The following SLC23A1 variants were observed in gnomAD, a reference collection of about 807,000 sequenced individuals.
SLC23A1 encodes the protein Na(+)/L-ascorbic acid transporter 1.
In SLC23A1, 31 loss-of-function variants were observed where a neutral mutation model predicts 62.5. The ratio of observed to expected loss-of-function variants is 0.50; its 90% confidence interval spans 0.37 to 0.67. The LOEUF is 0.67. Ranked by LOEUF, SLC23A1 falls within the 30% of genes least tolerant of loss-of-function variation. The probability of loss-of-function intolerance (pLI) is 0.00; values close to 1 mark genes in which losing one functional copy is unlikely to be tolerated. For missense variants in SLC23A1, 640 were observed against 782.7 expected (o/e 0.82, Z 2.18); for synonymous variants, 271 against 313.2 (o/e 0.87, Z 1.42).
At chr5:139,375,221 GTCCC>G (rs1757890217) in intron 13 of SLC23A1, among the ~76,000 whole-genome samples, 1 of 152,170 alleles carries the variant, frequency 6.6e-6, no homozygotes, top group Admixed American at 6.5e-5. Flanking sequence ...CATCCCTTAT[GTCCC>G]TATACTGATG....
rs1026202256 is a variant in SLC23A1, at chr5:139,370,664, G to T, written c.*19+1323C>A. Among the ~76,000 whole-genome samples, 6 of 151,502 alleles carry T rather than the reference G, an allele frequency of 4.0e-5. No individual in the cohort carries two copies. The East Asian group carries it at 5.8e-4, about 15-fold the overall frequency. ...CTACCACCACGCCTGGCTAATTTTT[G>T]TATTTTTTTAGTAGAGATGCGGTTT... On this transcript the variant is annotated intron_variant, in intron 14 of 14. Coordinates refer to ENST00000348729, the MANE Select transcript of SLC23A1 (RefSeq NM_005847.5).
chr5:139,368,649 A>G, intron 14 of SLC23A1: 1 of 890,214 alleles, frequency 1.1e-6, no homozygotes, highest in Non-Finnish European at 1.8e-6. Context: ...TTTTTTTGGA[A>G]GATGTTTTTG....
intron 4 of SLC23A1, 78 bp downstream of exon 4, chr5:139,380,720 G>A: frequency 6.9e-7 from 1 of 1,457,706 alleles, no homozygotes; most frequent in African/African-American, 1.4e-5. Context: ...CCCTGGTGTT[G>A]ACCCGGGACA....
intron 13 of SLC23A1, among the ~76,000 whole-genome samples, chr5:139,375,962 C>T (rs866416894): frequency 1.3e-5 from 2 of 151,922 alleles, no homozygotes; most frequent in South Asian, 2.1e-4. Context: ...AGTAAGACCC[C>T]GTCTCTACAA....
chr5:139,368,892 T>A, intron 14 of SLC23A1: 1 of 945,758 alleles, frequency 1.1e-6, no homozygotes, highest in Non-Finnish European at 1.7e-6. Flanking sequence ...CTTGTCACTG[T>A]GTTACACTTA....
chr5:139,377,884 G>GC (rs1758020443), intron 12 of SLC23A1, 91 bp downstream of exon 12: 2 of 1,307,878 alleles, frequency 1.5e-6, no homozygotes, highest in Non-Finnish European at 2.1e-6. Flanking sequence ...ACGATTTGTG[G>GC]CTGTAGCTGT....
At chr5:139,375,210 C>A (rs1757889292) in intron 13 of SLC23A1, among the ~76,000 whole-genome samples, 1 of 152,186 alleles carries the variant, frequency 6.6e-6, no homozygotes, top group Non-Finnish European at 1.5e-5. Flanking sequence ...CTTGCTACTA[C>A]CATCCCTTAT....
intron 13 of SLC23A1, among the ~76,000 whole-genome samples, chr5:139,373,990 A>G (rs1757817605): frequency 6.6e-6 from 1 of 152,082 alleles, no homozygotes; most frequent in Non-Finnish European, 1.5e-5. Flanking sequence ...GTACTTCTCC[A>G]AGCCCCCTCC....
chr5:139,372,822 ATCT>A lies in SLC23A1; in HGVS notation c.1550-572_1550-570del, dbSNP rs1400942866. Among the ~76,000 whole-genome samples the A allele has an allele frequency of 9.9e-5, 15 of 152,184 alleles. No individual in the cohort carries two copies. In the East Asian group the frequency reaches 1.7e-3, roughly 18 times the overall value. On this transcript the variant is annotated intron_variant, in intron 13 of 14. Transcript: ENST00000348729. ...CTGGTCTTGAACTCCTGACCTTGTG[ATCT>A]GCCTGGCTTGGCCTCCCAAAGTGCT...
At chr5:139,369,522 T>A (rs552006369) in intron 14 of SLC23A1, 1 of 152,746 alleles carries the variant, frequency 6.5e-6, no homozygotes, top group East Asian at 1.9e-4. Flanking sequence ...GTGCTTTTCC[T>A]TGCTTTGTTA....
Position 139,379,843 on chromosome 5 carries a change from G to C in SLC23A1, c.769-9C>G. On this transcript the variant is annotated splice_polypyrimidine_tract_variant and intron_variant, in intron 7 of 14. Transcript: ENST00000348729. This position sits in a 1 kb window ranked among gnomAD's most constrained non-coding sequence, Gnocchi z 4.7. ...ATGATGGCCAGCATGATCTGAAGGA[G>C]GGGGGTGAGGGGGCACTGAAGGCAC... is the stretch of plus-strand genomic sequence containing the variant. The C allele has an allele frequency of 6.2e-7, 1 of 1,614,010 alleles. No homozygotes were observed. Among genetic ancestry groups the C allele is most frequent in the Non-Finnish European group, 8.5e-7 (1 of 1,179,908 alleles).
upstream of SLC23A1, among the ~76,000 whole-genome samples, chr5:139,384,000 TC>T (rs902404937): frequency 3.9e-5 from 6 of 152,182 alleles, no homozygotes; most frequent in South Asian, 2.1e-4. Flanking sequence ...CAGATCCCTT[TC>T]CCCTCCCAGC....
At position 139,382,488 on chromosome 5, in the gene SLC23A1, C is replaced by A. The variant is rs368381976; in HGVS notation, c.150+4G>T. 2 of 1,586,588 alleles carry A rather than the reference C, an allele frequency of 1.3e-6. No individual in the cohort carries two copies. The highest frequency in any genetic ancestry group is 1.7e-6 in the Non-Finnish European group (2 of 1,155,602). ...TGAGGGCGGGGAGGCCCTGGGGGAC[C>A]CACCTGGAAGCCCAGCAGGATGCAC... On this transcript the variant is annotated splice_donor_region_variant and intron_variant, in intron 2 of 14. Transcript: ENST00000348729.
chr5:139,376,981 G>A (rs1188480787), intron 13 of SLC23A1, among the ~76,000 whole-genome samples: 3 of 152,118 alleles, frequency 2.0e-5, no homozygotes, highest in Non-Finnish European at 2.9e-5. Context: ...AATTAGCTGG[G>A]CGTGGTGGCA....
intron 3 of SLC23A1, among the ~76,000 whole-genome samples, chr5:139,381,441 A>C (rs1758250628): frequency 6.6e-6 from 1 of 152,014 alleles, no homozygotes; most frequent in South Asian, 2.1e-4. Context: ...ATACAAATAC[A>C]AAATTAGCCG....
intron 13 of SLC23A1, among the ~76,000 whole-genome samples, chr5:139,376,715 G>A (rs1757966845): frequency 6.6e-6 from 1 of 152,192 alleles, no homozygotes; most frequent in African/African-American, 2.4e-5. Flanking sequence ...CGCCATTGTG[G>A]CAGGCTGCTG....
At chr5:139,373,921 G>A (rs1257254718) in intron 13 of SLC23A1, among the ~76,000 whole-genome samples, 1 of 152,156 alleles carries the variant, frequency 6.6e-6, no homozygotes, top group African/African-American at 2.4e-5. Flanking sequence ...AGCCAGCCCA[G>A]AGCTCCCTCT....
chr5:139,372,216 A>G lies in SLC23A1; in HGVS notation c.1587T>C (p.Ala529=), dbSNP rs1159737828. 6.2e-7 allele frequency: 1 copy of G among 1,613,760 alleles called. No homozygotes were observed. Among genetic ancestry groups the G allele is most frequent in the East Asian group, 2.2e-5 (1 of 44,888 alleles). The change falls in exon 14 of 15, where the codon GCT becomes GCC. Residue 529 remains alanine (A), a synonymous_variant. Transcript: ENST00000348729. ...PEERGLIQWK[A]GAHANSDMSS... ...ACATGTCACTGTTGGCATGAGCCCCAGCTTTCCACTGTATCAGACCACGCT... is the reference window on the plus strand; with the variant it reads ...ACATGTCACTGTTGGCATGAGCCCCGGCTTTCCACTGTATCAGACCACGCT...
At position 139,382,650 on chromosome 5, in the gene SLC23A1, C is replaced by G. The variant is rs762793709; in HGVS notation, c.37-45G>C. 5.9e-6 allele frequency: 7 copies of G among 1,181,440 alleles called. No homozygotes were observed. In the African/African-American group the frequency reaches 1.1e-4, roughly 18 times the overall value. The allele number at this position is 1,181,440 out of a possible 1,614,324, so 73.2% of individuals were successfully genotyped here. A position where few individuals can be genotyped will look rare whatever the true frequency, so the allele number is the denominator to read the frequency against. Reference sequence around the variant, plus strand: ...GTAGCTTAGGGTGAAGTGATGGGGACAGGCAAAATCCATTCTGCCCCAGAA... The same window carrying G: ...GTAGCTTAGGGTGAAGTGATGGGGAGAGGCAAAATCCATTCTGCCCCAGAA... On this transcript the variant is annotated intron_variant, in intron 1 of 14. Coordinates refer to ENST00000348729, the MANE Select transcript of SLC23A1 (RefSeq NM_005847.5).
Sources: allele counts gnomAD v4.1 joint callset (sites outside exome capture counted in the v4.1 genomes callset), GRCh38; gene constraint gnomAD v4.1.1; non-coding constraint Gnocchi (gnomAD v3.1); transcripts MANE v1.5; gene names NCBI Gene and HGNC (gene_info 2026-07-23, HGNC 2026-07-21).